TYRP1: variants seen among roughly 807,000 people sequenced by gnomAD.
TYRP1 encodes the protein 5,6-dihydroxyindole-2-carboxylic acid oxidase.
TYRP1 carries 49 observed loss-of-function variants against 42.8 expected under a neutral mutation model. The ratio of observed to expected loss-of-function variants is 1.14; its 90% CI spans 0.91 to 1.45. The LOEUF (loss-of-function observed/expected upper bound fraction) is 1.45. Ranked by LOEUF, TYRP1 falls within the 40% of genes most tolerant of loss-of-function variation. The pLI is 0.00. For synonymous variants in TYRP1, 279 were observed against 235.4 expected (o/e 1.19, Z -1.69); for missense variants, 848 against 662.0 (o/e 1.28, Z -3.08).
In TYRP1 at chr9:12,693,966, G is replaced by A. The variant is rs1376655917; in HGVS notation, c.-31G>A. The A allele has an allele frequency of 6.2e-6, 10 of 1,612,904 alleles. No homozygotes were observed. Among genetic ancestry groups the A allele is most frequent in the Non-Finnish European group, 5.9e-6 (7 of 1,179,844 alleles). On this transcript the variant is annotated 5_prime_UTR_variant, in exon 2 of 8. Transcript: ENST00000388918. ...CTCTACACAAAGAGCTGCAAACCAGGTCTTTGTTTTGCACTCTTATTTCAA... is the reference window on the plus strand; with the variant it reads ...CTCTACACAAAGAGCTGCAAACCAGATCTTTGTTTTGCACTCTTATTTCAA...
At chr9:12,695,391 T>G (rs1402196093) in intron 2 of TYRP1, 124 bp from the exon 3 acceptor site, 1 of 871,652 alleles carries the variant, frequency 1.1e-6, no homozygotes, top group African/African-American at 1.7e-5. Flanking sequence ...AAGTGTAAAA[T>G]AATTTAAAAC....
At position 12,709,348 on chromosome 9, in the gene TYRP1, T is replaced by A; in HGVS notation, c.*166T>A. 2 of 699,516 alleles carry A rather than the reference T, an allele frequency of 2.9e-6. No individual in the cohort carries two copies. Among genetic ancestry groups the A allele is most frequent in the South Asian group, 3.5e-5 (2 of 57,970 alleles). The allele number at this position is 699,516 out of a possible 1,614,324, so 43.3% of individuals were successfully genotyped here. Reference sequence around the variant, plus strand: ...ACTTTTCAAAGCTGGGAAGACCCTTTCAGAATCTTTTCAATGGGTTTTAAT... The same window carrying A: ...ACTTTTCAAAGCTGGGAAGACCCTTACAGAATCTTTTCAATGGGTTTTAAT... On this transcript the variant is annotated 3_prime_UTR_variant, in exon 8 of 8. Coordinates refer to ENST00000388918, the MANE Select transcript of TYRP1 (RefSeq NM_000550.3).
At chr9:12,707,615 G>A (rs1479851937) in intron 6 of TYRP1, 1 of 202,538 alleles carries the variant, frequency 4.9e-6, no homozygotes, top group Non-Finnish European at 9.9e-6. Context: ...GGGATAACAG[G>A]AGGCAGAGCT....
At chr9:12,700,024 G>T (rs1586843271) in intron 4 of TYRP1, 1 of 151,962 alleles carries the variant, frequency 6.6e-6, no homozygotes, top group African/African-American at 2.4e-5. Flanking sequence ...TTTATTTTAG[G>T]TTAAAATATT....
intron 6 of TYRP1, among the ~76,000 whole-genome samples, chr9:12,705,696 A>G (rs911825328): frequency 6.6e-6 from 1 of 151,952 alleles, no homozygotes; most frequent in Non-Finnish European, 1.5e-5. Context: ...AAAATACAAA[A>G]ATTAGCCAGG....
In TYRP1 at chr9:12,702,455, A is replaced by G; in HGVS notation, c.1081+17A>G. 6.2e-7 allele frequency: 1 copy of G among 1,610,756 alleles called. No homozygotes were observed. The highest frequency in any genetic ancestry group is 1.1e-5 in the South Asian group (1 of 90,842). On this transcript the variant is annotated intron_variant, in intron 5 of 7. Transcript: ENST00000388918. ...CAGTGGAAGGCAAGTAAATGAAATCAGTATTTTTAAAAGATCTAGTTATCA... is the reference window on the plus strand; with the variant it reads ...CAGTGGAAGGCAAGTAAATGAAATCGGTATTTTTAAAAGATCTAGTTATCA...
At chr9:12,706,091 A>G (rs560377150) in intron 6 of TYRP1, among the ~76,000 whole-genome samples, 1 of 152,190 alleles carries the variant, frequency 6.6e-6, no homozygotes, top group Non-Finnish European at 1.5e-5. Flanking sequence ...TACAGTCATG[A>G]TGACCACTTT....
rs1181235574 is a variant in TYRP1, at chr9:12,709,112, T to A, written c.1544T>A (p.Leu515His). ...ATGGATGAAGCTAACCAGCCTCTCC[T>A]CACTGATCAGTATCAATGCTATGCT... ...RSMDEANQPL[L>H]TDQYQCYAEE... Residue 515 changes from leucine to histidine, a missense_variant, in exon 8 of 8, where the codon CTC becomes CAC. Physicochemically the swap from Leu to His is moderately conservative, Grantham distance 99. Coordinates refer to ENST00000388918, the MANE Select transcript of TYRP1 (RefSeq NM_000550.3). 2 of 1,612,800 alleles carry A rather than the reference T, an allele frequency of 1.2e-6. No individual in the cohort carries two copies. The highest frequency in any genetic ancestry group is 2.2e-5 in the South Asian group (2 of 91,066).
intron 4 of TYRP1, among the ~76,000 whole-genome samples, chr9:12,699,800 C>T (rs1818137092): frequency 6.6e-6 from 1 of 152,002 alleles, no homozygotes; most frequent in African/African-American, 2.4e-5. Context: ...GTGACCAGGC[C>T]ATTGTATTTT....
chr9:12,701,481 T>C (rs1818168013), intron 4 of TYRP1, among the ~76,000 whole-genome samples: 1 of 151,948 alleles, frequency 6.6e-6, no homozygotes, highest in Non-Finnish European at 1.5e-5. Context: ...CAGAAGAAAG[T>C]GTATCATCTC....
intron 6 of TYRP1, 120 bp downstream of exon 6, chr9:12,704,825 G>C: frequency 1.0e-6 from 1 of 980,942 alleles, no homozygotes; most frequent in Non-Finnish European, 1.6e-6. Context: ...GGATAGCATA[G>C]CTGTAATATC....
chr9:12,695,450 A>G, intron 2 of TYRP1, 65 bp from the exon 3 acceptor site: 2 of 1,443,074 alleles, frequency 1.4e-6, no homozygotes. Flanking sequence ...CAAGATGATT[A>G]TGCTCTTTCT....
At chr9:12,699,280 A>G (rs1488414402) in intron 4 of TYRP1, among the ~76,000 whole-genome samples, 1 of 152,036 alleles carries the variant, frequency 6.6e-6, no homozygotes, top group Non-Finnish European at 1.5e-5. Flanking sequence ...CCACTGTCAC[A>G]GGTCAAGTTT....
intron 3 of TYRP1, among the ~76,000 whole-genome samples, chr9:12,696,334 C>T (rs1471828940): frequency 3.3e-5 from 5 of 152,012 alleles, no homozygotes; most frequent in African/African-American, 1.2e-4. Flanking sequence ...TCAATTTAGA[C>T]TCTCATATTT....
intron 4 of TYRP1, 46 bp from the exon 5 acceptor site, chr9:12,702,225 C>G: frequency 6.3e-7 from 1 of 1,598,732 alleles, no homozygotes; most frequent in Non-Finnish European, 8.6e-7. Flanking sequence ...ACAATAAGAA[C>G]TCCAAACATT....
chr9:12,696,541 A>C (rs1010379203), intron 3 of TYRP1, among the ~76,000 whole-genome samples: 1 of 152,304 alleles, frequency 6.6e-6, no homozygotes, highest in South Asian at 2.1e-4. Context: ...GTTGAAAAAT[A>C]TCAAAATAAT....
intron 4 of TYRP1, 112 bp from the exon 5 acceptor site, chr9:12,702,159 C>A: frequency 8.6e-7 from 1 of 1,166,286 alleles, no homozygotes; most frequent in Non-Finnish European, 1.2e-6. Flanking sequence ...ATTTTCTTTT[C>A]TACCAAGGAA....
rs1271357861 is a variant in TYRP1 at position 12,709,004 on chromosome 9, T to A, written c.1436T>A (p.Ile479Asn). The A allele has an allele frequency of 2.5e-6, 4 of 1,612,502 alleles. No individual in the cohort carries two copies. Among genetic ancestry groups the A allele is most frequent in the Non-Finnish European group, 2.5e-6 (3 of 1,179,130 alleles). The change falls in exon 8 of 8, where the codon ATT (isoleucine) becomes AAT (asparagine). Residue 479 changes from isoleucine to asparagine, a missense_variant. Physicochemically the swap from Ile to Asn is moderately radical, Grantham distance 149. Transcript: ENST00000388918. ...CGGGAGTTTAGTGTACCTGAGATAA[T>A]TGCCATAGCAGTAGTTGGCGCTTTG... ...PSREFSVPEI[I>N]AIAVVGALLL...
chr9:12,701,732 A>G (rs1314818761), intron 4 of TYRP1: 1 of 154,618 alleles, frequency 6.5e-6, no homozygotes, highest in East Asian at 1.9e-4. Flanking sequence ...TGCCCTTCAC[A>G]AAGTTTCATT....
Sources: gnomAD v4.1 joint callset for allele counts (sites outside exome capture counted in the v4.1 genomes callset) on GRCh38, gnomAD v4.1.1 for gene constraint, MANE v1.5 for transcripts, NCBI Gene and HGNC (gene_info 2026-07-23, HGNC 2026-07-21) for gene names.